TBC1D22A: variants seen among roughly 807,000 people sequenced by gnomAD.
TBC1D22A encodes TBC1 domain family member 22A.
TBC1D22A carries 38 observed loss-of-function variants against 60.2 expected under a neutral mutation model. The observed-to-expected ratio is 0.63, with a 90% CI of 0.49 to 0.83. TBC1D22A has a LOEUF of 0.83. TBC1D22A is among the 40% of genes least tolerant of loss of function. The pLI is 0.00. For missense variants in TBC1D22A, 628 were observed against 701.0 expected (o/e 0.90, Z 1.18); for synonymous variants, 302 against 281.7 (o/e 1.07, Z -0.72).
At chr22:47,045,327 C>T (rs1316090089) in intron 11 of TBC1D22A, among the ~76,000 whole-genome samples, 1 of 152,154 alleles carries the variant, frequency 6.6e-6, no homozygotes, top group Non-Finnish European at 1.5e-5. Context: ...GTTTGGAAGT[C>T]CCATTAATGC....
At chr22:46,923,813 C>T (rs556484718) in intron 8 of TBC1D22A, among the ~76,000 whole-genome samples, 39 of 152,234 alleles carry the variant, frequency 2.6e-4, no homozygotes, top group African/African-American at 9.2e-4. Context: ...GTAGGCTTTT[C>T]CTTGTATTAA....
At chr22:47,110,739 C>A (rs1032418574) in intron 11 of TBC1D22A, among the ~76,000 whole-genome samples, 1 of 152,192 alleles carries the variant, frequency 6.6e-6, no homozygotes, top group African/African-American at 2.4e-5. Flanking sequence ...GAAGGTAGCA[C>A]CCCAAGAACT....
chr22:46,883,856 C>T (rs189674072), intron 5 of TBC1D22A, among the ~76,000 whole-genome samples: 23 of 152,316 alleles, frequency 1.5e-4, no homozygotes, highest in Admixed American at 9.1e-4. Context: ...CTCTGTGCTC[C>T]GTCTCTTTCT....
At chr22:47,092,712 C>A (rs923562715) in intron 11 of TBC1D22A, among the ~76,000 whole-genome samples, 6 of 152,222 alleles carry the variant, frequency 3.9e-5, no homozygotes, top group Non-Finnish European at 5.9e-5. Flanking sequence ...TCTCTGACCC[C>A]TATGCTCTTT....
At chr22:46,817,418 C>T (rs898511387) in intron 4 of TBC1D22A, among the ~76,000 whole-genome samples, 1 of 152,186 alleles carries the variant, frequency 6.6e-6, no homozygotes, top group African/African-American at 2.4e-5. Flanking sequence ...CACCCGCCCA[C>T]CAACGGGTGC....
At chr22:47,084,512 G>A (rs888889810) in intron 11 of TBC1D22A, among the ~76,000 whole-genome samples, 1 of 152,172 alleles carries the variant, frequency 6.6e-6, no homozygotes, top group African/African-American at 2.4e-5. Context: ...CCCTCCAGGT[G>A]GTTCTGGAGC....
At chr22:46,854,567 T>C (rs2087469335) in intron 4 of TBC1D22A, among the ~76,000 whole-genome samples, 1 of 152,152 alleles carries the variant, frequency 6.6e-6, no homozygotes, top group South Asian at 2.1e-4. Flanking sequence ...TTCCGGATGT[T>C]CTCGCGCTAA....
intron 11 of TBC1D22A, among the ~76,000 whole-genome samples, chr22:47,074,679 A>G (rs6009122): frequency 0.48 from 72,264 of 152,114 alleles, 17,937 homozygotes; most frequent in African/African-American, 0.59. Context: ...TGGAAGTGGC[A>G]CTGTCTGAAT....
chr22:46,838,122 A>C (rs2086598894), intron 4 of TBC1D22A, among the ~76,000 whole-genome samples: 1 of 152,240 alleles, frequency 6.6e-6, no homozygotes. Context: ...GAAAAAGAAG[A>C]ACAAACGAAG....
chr22:46,796,959 G>A (rs2084680462), intron 3 of TBC1D22A, among the ~76,000 whole-genome samples: 1 of 152,228 alleles, frequency 6.6e-6, no homozygotes, highest in African/African-American at 2.4e-5. Flanking sequence ...AGCCCTCGCA[G>A]CGCCCTGGTT....
chr22:46,787,414 G>C (rs1465266919), intron 1 of TBC1D22A, among the ~76,000 whole-genome samples: 1 of 152,084 alleles, frequency 6.6e-6, no homozygotes, highest in East Asian at 1.9e-4. Flanking sequence ...GCATGTGGCG[G>C]CTCCTGCGTC....
At chr22:47,163,066 C>T (rs1026133246) in intron 12 of TBC1D22A, among the ~76,000 whole-genome samples, 1 of 152,230 alleles carries the variant, frequency 6.6e-6, no homozygotes, top group Non-Finnish European at 1.5e-5. Flanking sequence ...TGGGCCTGGG[C>T]CAGGTGGGCA....
Position 46,781,145 on chromosome 22 carries a change from T to TG in TBC1D22A, c.63-11375_63-11374insG, listed in dbSNP as rs1555888326. On this transcript the variant is annotated intron_variant, in intron 1 of 12. Coordinates refer to ENST00000337137, the MANE Select transcript of TBC1D22A (RefSeq NM_014346.5). The stretch of plus-strand genomic sequence containing the variant: ...GGAGGTGCCCTCCCAATTTTGTTTT[T>TG]TTTTTTTTTTTTAGACAGGGTGTCA... 4.0e-3 allele frequency among the ~76,000 whole-genome samples: 609 copies of TG among 150,380 alleles called. 1 individual carries two copies. Among genetic ancestry groups the TG allele is most frequent in the Middle Eastern group, 6.9e-3 (2 of 288 alleles).
At chr22:47,112,921 G>A (rs917714502) in intron 12 of TBC1D22A, among the ~76,000 whole-genome samples, 3 of 152,212 alleles carry the variant, frequency 2.0e-5, no homozygotes, top group East Asian at 1.9e-4. Context: ...TGGCCCACTC[G>A]TCACTTTGCA....
intron 4 of TBC1D22A, among the ~76,000 whole-genome samples, chr22:46,851,743 C>A (rs1197222782): frequency 6.6e-6 from 1 of 152,198 alleles, no homozygotes; most frequent in East Asian, 1.9e-4. Context: ...TTCAGAGGTA[C>A]TTAGTGACCT....
intron 11 of TBC1D22A, among the ~76,000 whole-genome samples, chr22:47,086,434 G>A (rs971388953): frequency 3.9e-5 from 6 of 152,104 alleles, no homozygotes; most frequent in Admixed American, 6.6e-5. Context: ...CAGCCTGGGC[G>A]ACAAGAGTGA....
intron 12 of TBC1D22A, among the ~76,000 whole-genome samples, chr22:47,127,928 C>T (rs1254454176): frequency 6.9e-6 from 1 of 145,464 alleles, no homozygotes; most frequent in Non-Finnish European, 1.5e-5. Flanking sequence ...CCGGCCTCTC[C>T]CACCCACCCA....
At chr22:46,983,716 T>C (rs2074604438) in intron 9 of TBC1D22A, among the ~76,000 whole-genome samples, 1 of 151,656 alleles carries the variant, frequency 6.6e-6, no homozygotes, top group Admixed American at 6.6e-5. Context: ...TTTTATATTT[T>C]ATTTTTTTTC....
Position 47,026,089 on chromosome 22 carries a change from A to T in TBC1D22A, c.1202-10982A>T, listed in dbSNP as rs1391746296. Among the ~76,000 whole-genome samples the T allele has an allele frequency of 1.5e-4, 23 of 152,370 alleles. 1 individual carries two copies. The East Asian group carries it at 4.2e-3, about 28-fold the overall frequency. On this transcript the variant is annotated intron_variant, in intron 10 of 12. Coordinates refer to ENST00000337137, the MANE Select transcript of TBC1D22A (RefSeq NM_014346.5). Reference sequence around the variant, plus strand: ...GTGAGGTTGATTTTCAGTCAATGTAATTCTTATTATTAACATATTTAAAAA... The same window carrying T: ...GTGAGGTTGATTTTCAGTCAATGTATTTCTTATTATTAACATATTTAAAAA...
Sources: allele counts gnomAD v4.1 joint callset (sites outside exome capture counted in the v4.1 genomes callset), GRCh38; gene constraint gnomAD v4.1.1; transcripts MANE v1.5; gene names NCBI Gene and HGNC (gene_info 2026-07-23, HGNC 2026-07-21).